The following PERM1 variants were observed in gnomAD, a reference collection of about 807,000 sequenced individuals.
PERM1 encodes PGC-1 and ERR-induced regulator in muscle protein 1.
In PERM1, 45 loss-of-function variants were observed where a neutral mutation model predicts 44.1. The ratio of observed to expected loss-of-function variants is 1.02; its 90% CI spans 0.80 to 1.31. The LOEUF (loss-of-function observed/expected upper bound fraction) is 1.31. PERM1 is among the 50% of genes most tolerant of loss of function. The probability of loss-of-function intolerance (pLI) is 0.00; values close to 1 mark genes in which losing one functional copy is unlikely to be tolerated. For missense variants in PERM1, 1,189 were observed against 1,106.9 expected (o/e 1.07, Z -1.05); for synonymous variants, 565 against 477.1 (o/e 1.18, Z -2.40).
chr1:979,536 G>C (rs532401654), exon 1 of PERM1: 2 of 1,549,890 alleles, frequency 1.3e-6, no homozygotes, highest in Admixed American at 3.9e-5. Flanking sequence ...TCTTCCTGGG[G>C]ACTTGGGTGA....
chr1:976,167 G>A, exon 3 of PERM1: 1 of 1,546,258 alleles, frequency 6.5e-7, no homozygotes, highest in East Asian at 2.4e-5. Context: ...GCCCGGGCCT[G>A]GCTCCTAGGA....
At chr1:975,894 T>A in exon 3 of PERM1, 1 of 459,066 alleles carries the variant, frequency 2.2e-6, no homozygotes, top group Non-Finnish European at 3.9e-6. Context: ...CCGAATGCCC[T>A]GTGTTCTCAT....
exon 1 of PERM1, chr1:981,020 A>G: frequency 1.3e-6 from 2 of 1,529,728 alleles, no homozygotes; most frequent in South Asian, 2.5e-5. Context: ...CTGTACTGGA[A>G]ATTTTCCATG....
At chr1:980,849 T>G in exon 1 of PERM1, 2 of 1,401,494 alleles carry the variant, frequency 1.4e-6, no homozygotes. Context: ...AGCTGCCCAG[T>G]TGGGAGAGGT....
chr1:979,220 C>G (rs768562358), exon 1 of PERM1: 725 of 1,550,000 alleles, frequency 4.7e-4, no homozygotes, highest in Non-Finnish European at 5.8e-4. Context: ...GGATCCTGAC[C>G]GGCCGCTGCC....
exon 1 of PERM1, chr1:979,273 A>G (rs1416589665): frequency 5.8e-6 from 9 of 1,549,590 alleles, no homozygotes; most frequent in Non-Finnish European, 7.8e-6. Flanking sequence ...ACAGAAGAAG[A>G]ACTCGTAGGC....
At chr1:981,016 T>A in exon 1 of PERM1, 1 of 1,529,662 alleles carries the variant, frequency 6.5e-7, no homozygotes, top group South Asian at 1.2e-5. Flanking sequence ...GACGCTGTAC[T>A]GGAAATTTTC....
At chr1:980,591 G>C (rs1643770086) in exon 1 of PERM1, 1 of 1,453,318 alleles carries the variant, frequency 6.9e-7, no homozygotes, top group Non-Finnish European at 9.1e-7. Context: ...GGGGGCCGTG[G>C]GGCAGGGCCC....
chr1:976,586 G>A lies in PERM1; in HGVS notation c.2188C>T (p.Gln730Ter), dbSNP rs1643616928. Residue 730 changes from glutamine (Q) to a stop codon, truncating the protein, a stop_gained, in exon 2 of 3, where the codon CAG becomes TAG. Coordinates refer to ENST00000433179, the Ensembl canonical transcript of PERM1. LOFTEE classifies it high-confidence loss of function. ...ACAAACACCAGGCACATGTCATTCT[G>A]GCTGAAGGCAAATGATGGGACAGGC... The A allele has an allele frequency of 6.5e-7, 1 of 1,549,528 alleles. No individual in the cohort carries two copies. Among genetic ancestry groups the A allele is most frequent in the Admixed American group, 2.0e-5 (1 of 50,964 alleles).
chr1:980,931 G>A, exon 1 of PERM1: 1 of 1,428,350 alleles, frequency 7.0e-7, no homozygotes, highest in African/African-American at 1.5e-5. Flanking sequence ...CGTCCCCAGA[G>A]GCCAGGCCGG....
exon 1 of PERM1, chr1:980,501 G>T: frequency 6.7e-7 from 1 of 1,499,910 alleles, no homozygotes; most frequent in Middle Eastern, 1.8e-4. Flanking sequence ...GGGCTCCGTG[G>T]TGGGGCTCCA....
exon 1 of PERM1, chr1:979,283 C>T (rs946217945): frequency 6.5e-7 from 1 of 1,548,382 alleles, no homozygotes; most frequent in Non-Finnish European, 8.7e-7. Flanking sequence ...AACTCGTAGG[C>T]CTCCGGGAGG....
upstream of PERM1, chr1:981,323 T>G (rs1302469445): frequency 2.2e-5 from 17 of 777,212 alleles, no homozygotes; most frequent in Admixed American, 3.3e-5. Context: ...CGGTGTTACA[T>G]TCCTAGAATC....
In PERM1 at chr1:979,578, G is replaced by A. The variant is rs141876463; in HGVS notation, c.1452C>T (p.Pro484=). 1,111 of 1,548,338 alleles carry A rather than the reference G, an allele frequency of 7.2e-4. 8 individuals carry two copies. The East Asian group carries it at 0.011, about 16-fold the overall frequency. Residue 484 remains proline (P), a synonymous_variant, in exon 1 of 3, where the codon CCC becomes CCT. Transcript: ENST00000433179. The stretch of plus-strand genomic sequence containing the variant: ...GTGCGGGTGCCCCAGAGCAGCATCC[G>A]GGGGCCCCTGCTGAGGGCTCAGACA...
chr1:980,361 G>A (rs762516956), exon 1 of PERM1: 33 of 1,550,154 alleles, frequency 2.1e-5, no homozygotes, highest in South Asian at 1.8e-4. Flanking sequence ...CCTCCTGCCC[G>A]GCTTTGGCCA....
chr1:979,586 C>A (rs2100503555), exon 1 of PERM1: 1 of 1,550,098 alleles, frequency 6.5e-7, no homozygotes. Context: ...CCGGGGGCCC[C>A]TGCTGAGGGC....
At position 979,585 on chromosome 1, in the gene PERM1, C is replaced by T. The variant is rs1351338490; in HGVS notation, c.1445G>A (p.Gly482Glu). The stretch of plus-strand genomic sequence containing the variant: ...TGCCCCAGAGCAGCATCCGGGGGCC[C>T]CTGCTGAGGGCTCAGACACAACCGC... The change falls in exon 1 of 3, where the codon GGG (glycine) becomes GAG (glutamate). Residue 482 changes from glycine to glutamate, a missense_variant. By Grantham distance (98) the Gly-to-Glu change is moderately conservative. Coordinates refer to ENST00000433179, the Ensembl canonical transcript of PERM1. 11 of 1,550,002 alleles carry T rather than the reference C, an allele frequency of 7.1e-6. No individual in the cohort carries two copies. In the Admixed American group the frequency reaches 9.8e-5, roughly 14 times the overall value.
chr1:980,654 A>T, exon 1 of PERM1: 1 of 1,434,538 alleles, frequency 7.0e-7, no homozygotes, highest in Non-Finnish European at 9.1e-7. Context: ...GGGCAGGATG[A>T]GAACTGGCTG....
upstream of PERM1, chr1:981,235 C>T (rs1324101665): frequency 2.7e-6 from 4 of 1,495,894 alleles, no homozygotes; most frequent in East Asian, 2.5e-5. Context: ...CTAGTGGTGA[C>T]GATTTCCAAG....
Sources: gnomAD v4.1 joint callset for allele counts on GRCh38, gnomAD v4.1.1 for gene constraint, MANE v1.5 for transcripts, NCBI Gene and HGNC (gene_info 2026-07-23, HGNC 2026-07-21) for gene names.